The following PER3 variants were observed in gnomAD, a reference collection of about 807,000 sequenced individuals.
PER3 encodes the protein period circadian regulator 3, also known as period circadian protein homolog 3.
In PER3, 107 loss-of-function variants were observed where a neutral mutation model predicts 127.2. That is an observed-to-expected ratio of 0.84 (90% CI 0.72 to 0.99). PER3 has a LOEUF of 0.99. PER3 is among the 50% of genes least tolerant of loss of function. The pLI is 0.00. For synonymous variants in PER3, 618 were observed against 585.8 expected, an observed-to-expected ratio of 1.05 and a Z score of -0.79; for missense variants, 1,560 against 1,525.8, an observed-to-expected ratio of 1.02 and a Z score of -0.37.
At chr1:7,785,053 C>A in intron 2 of PER3, 48 bp downstream of exon 2, 1 of 1,553,796 alleles carries the variant, frequency 6.4e-7, no homozygotes, top group Admixed American at 2.3e-5. Flanking sequence ...CGTTGTCCTT[C>A]CCTGGAGCAG....
intron 11 of PER3, among the ~76,000 whole-genome samples, chr1:7,809,229 G>A (rs1455822883): frequency 2.0e-5 from 3 of 152,262 alleles, no homozygotes; most frequent in African/African-American, 4.8e-5. Flanking sequence ...AGCAAACCAC[G>A]TGACTGAGAG....
At chr1:7,807,601 C>T (rs1471597859) in intron 10 of PER3, among the ~76,000 whole-genome samples, 3 of 152,240 alleles carry the variant, frequency 2.0e-5, no homozygotes, top group African/African-American at 4.8e-5. Flanking sequence ...GTTATGTGAA[C>T]TTGGGCCAGT....
intron 21 of PER3, among the ~76,000 whole-genome samples, chr1:7,840,321 T>A (rs1167464150): frequency 6.6e-6 from 1 of 151,402 alleles, no homozygotes; most frequent in Non-Finnish European, 1.5e-5. Flanking sequence ...TTTCATCATC[T>A]TTTTCTTTTT....
At chr1:7,785,643 GC>G in intron 3 of PER3, 57 bp downstream of exon 3, 1 of 1,479,942 alleles carries the variant, frequency 6.8e-7, no homozygotes, top group Non-Finnish European at 9.3e-7. Flanking sequence ...CATACAAGCA[GC>G]CAGAGGAGTG....
At position 7,807,943 on chromosome 1, in the gene PER3, C is replaced by G. The variant is rs560087745; in HGVS notation, c.1137-950C>G. Among the ~76,000 whole-genome samples, 9 of 152,248 alleles carry G rather than the reference C, an allele frequency of 5.9e-5. No homozygotes were observed. In the South Asian group the frequency reaches 1.7e-3, roughly 28 times the overall value. ...CAGGTATTCTTCTATGTTATAAAAACTAGTACAGGCTGGGTGCAGTGGCAC... is the reference window on the plus strand; with the variant it reads ...CAGGTATTCTTCTATGTTATAAAAAGTAGTACAGGCTGGGTGCAGTGGCAC... On this transcript the variant is annotated intron_variant, in intron 10 of 21. Coordinates refer to ENST00000377532, the MANE Select transcript of PER3 (RefSeq NM_001377275.1).
chr1:7,833,548 A>G (rs2097342986), intron 19 of PER3, among the ~76,000 whole-genome samples: 1 of 152,188 alleles, frequency 6.6e-6, no homozygotes, highest in African/African-American at 2.4e-5. Context: ...ATATCAGTGT[A>G]TCCAGTCCAG....
At chr1:7,792,333 A>AC (rs969658960) in intron 5 of PER3, among the ~76,000 whole-genome samples, 1 of 151,808 alleles carries the variant, frequency 6.6e-6, no homozygotes, top group Non-Finnish European at 1.5e-5. Context: ...GACGGCAACC[A>AC]CCCCCATGAT....
At position 7,803,152 on chromosome 1, in the gene PER3, A is replaced by G; in HGVS notation, c.978A>G (p.Lys326=). The part of the protein sequence containing the change: ...DRSLMVAIHQ[K]VLKYAGHPPF... ...CTCTGATGGTTGCCATACACCAAAA[A>G]GGTCAGGACCTACTCCTTTATAGGA... The change falls in exon 9 of 22, where the codon AAA becomes AAG. Residue 326 remains lysine, a splice_region_variant and synonymous_variant. Coordinates refer to ENST00000377532, the MANE Select transcript of PER3 (RefSeq NM_001377275.1). The G allele has an allele frequency of 6.4e-7, 1 of 1,562,004 alleles. No individual in the cohort carries two copies. The highest frequency in any genetic ancestry group is 1.4e-5 in the African/African-American group (1 of 73,938).
intron 6 of PER3, among the ~76,000 whole-genome samples, chr1:7,797,250 G>A (rs1439662185): frequency 6.6e-6 from 1 of 152,152 alleles, no homozygotes; most frequent in Admixed American, 6.5e-5. Flanking sequence ...TCACTTCCCG[G>A]TGATTCTCTT....
intron 9 of PER3, 79 bp downstream of exon 9, chr1:7,803,232 G>A (rs2097178270): frequency 6.7e-6 from 6 of 892,174 alleles, no homozygotes; most frequent in Admixed American, 3.5e-5. Flanking sequence ...TCTCATTAGA[G>A]CGCAACCTTT....
chr1:7,788,456 T>A (rs1405854204), intron 5 of PER3: 1 of 565,052 alleles, frequency 1.8e-6, no homozygotes, highest in Non-Finnish European at 3.1e-6. Context: ...GTCACATCTG[T>A]TTCACAGATG....
At chr1:7,795,141 G>C (rs182227432) in intron 6 of PER3, among the ~76,000 whole-genome samples, 1 of 152,118 alleles carries the variant, frequency 6.6e-6, no homozygotes, top group African/African-American at 2.4e-5. Flanking sequence ...GGGAGGGGCT[G>C]TCTTGTTCCA....
At chr1:7,825,042 C>CT (rs577476334) in intron 16 of PER3, among the ~76,000 whole-genome samples, 10,619 of 144,910 alleles carry the variant, frequency 0.073, 510 homozygotes, top group Non-Finnish European at 0.099. Flanking sequence ...TATATTTTGG[C>CT]TTTTTTTTTT....
intron 14 of PER3, 50 bp downstream of exon 14, chr1:7,819,470 C>T (rs1388906927): frequency 6.5e-6 from 10 of 1,545,336 alleles, no homozygotes; most frequent in Admixed American, 5.1e-5. Context: ...CGGAAGCATA[C>T]ACTGCCACTG....
chr1:7,792,428 G>A (rs796120598), intron 5 of PER3, among the ~76,000 whole-genome samples: 9 of 152,292 alleles, frequency 5.9e-5, no homozygotes, highest in African/African-American at 2.2e-4. Flanking sequence ...TGGGGACACA[G>A]CCAAACCATA....
intron 11 of PER3, among the ~76,000 whole-genome samples, 155 bp downstream of exon 11, chr1:7,809,153 A>T (rs2097208398): frequency 6.6e-6 from 1 of 152,224 alleles, no homozygotes; most frequent in Non-Finnish European, 1.5e-5. Flanking sequence ...TTTTTAAATT[A>T]AATTTTATTC....
Position 7,794,111 on chromosome 1 carries a change from A to G in PER3, c.644+103A>G, listed in dbSNP as rs192331330. 132 of 931,038 alleles carry G rather than the reference A, an allele frequency of 1.4e-4. No individual in the cohort carries two copies. The African/African-American group carries it at 1.5e-3, about 10-fold the overall frequency. The allele number at this position is 931,038 out of a possible 1,614,324, so 57.7% of individuals were successfully genotyped here. ...GTATTCAGCTCACTTCTGTTGCGAG[A>G]TACAAAAAATAAGACTTGGTTATTG... On this transcript the variant is annotated intron_variant, in intron 6 of 21. Coordinates refer to ENST00000377532, the MANE Select transcript of PER3 (RefSeq NM_001377275.1).
At chr1:7,810,415 A>G in intron 12 of PER3, 23 bp from the exon 13 acceptor site, 2 of 1,543,250 alleles carry the variant, frequency 1.3e-6, no homozygotes, top group Non-Finnish European at 1.8e-6. Flanking sequence ...TTTGAAACAT[A>G]TTTTATCATT....
Position 7,827,729 on chromosome 1 carries a change from C to CA in PER3, c.2801dup (p.Leu935ValfsTer13). On this transcript the variant is annotated frameshift_variant, in exon 18 of 22. Coordinates refer to ENST00000377532, the MANE Select transcript of PER3 (RefSeq NM_001377275.1). LOFTEE classifies it high-confidence loss of function. ...TACTTCGAGAAGCAGCTCACCCTTG[C>CA]AGTTAAACTTACTTCAGGAAGAGAT... The CA allele has an allele frequency of 1.2e-6, 2 of 1,614,076 alleles. No homozygotes were observed. Among genetic ancestry groups the CA allele is most frequent in the Non-Finnish European group, 1.7e-6 (2 of 1,179,998 alleles).
Sources: allele counts gnomAD v4.1 joint callset (sites outside exome capture counted in the v4.1 genomes callset), GRCh38; gene constraint gnomAD v4.1.1; transcripts MANE v1.5; gene names NCBI Gene and HGNC (gene_info 2026-07-23, HGNC 2026-07-21).